The following SNAP47 variants were observed in gnomAD, a reference collection of about 807,000 sequenced individuals.
The protein encoded by SNAP47 is synaptosomal-associated protein 47.
A neutral mutation model predicts 31.4 loss-of-function variants in SNAP47; 20 were observed. That is an observed-to-expected ratio of 0.64 (90% CI 0.45 to 0.93). The LOEUF (loss-of-function observed/expected upper bound fraction) is 0.93, where lower values mean the gene tolerates loss of function less well. SNAP47 is among the 40% of genes least tolerant of loss of function. The pLI is 0.00. For synonymous variants in SNAP47, 194 were observed against 213.4 expected (o/e 0.91, Z 0.79); for missense variants, 492 against 528.5 (o/e 0.93, Z 0.68).
At chr1:227,776,944 CAAT>C in intron 4 of SNAP47, 3 of 985,304 alleles carry the variant, frequency 3.0e-6, no homozygotes, top group Non-Finnish European at 3.6e-6. Context: ...TCTGTGTACA[CAAT>C]AAAATATTCC....
intron 4 of SNAP47, chr1:227,775,863 G>A (rs778612560): frequency 3.3e-4 from 427 of 1,303,840 alleles, no homozygotes; most frequent in Non-Finnish European, 4.0e-4. Context: ...GAGCTTTGTG[G>A]AGACAGAGAC....
rs1034859083 is a variant in SNAP47 at position 227,748,292 on chromosome 1, G to C, written c.497+59G>C. ...ACAGAGTAAGATGCACATGTGTGGA[G>C]GCTCACAGGCACTGTTCCAGGCCAC... is the stretch of plus-strand genomic sequence containing the variant. On this transcript the variant is annotated intron_variant, in intron 2 of 4. Transcript: ENST00000617596. 4 of 1,458,676 alleles carry C rather than the reference G, an allele frequency of 2.7e-6. No individual in the cohort carries two copies. In the African/African-American group the frequency reaches 5.7e-5, roughly 21 times the overall value. 90.4% of individuals were successfully genotyped at this position (1,458,676 alleles called of 1,614,324 possible). A position where few individuals can be genotyped will look rare whatever the true frequency, so the allele number is the denominator to read the frequency against.
chr1:227,767,730 CTGTG>C (rs202134169), intron 4 of SNAP47, among the ~76,000 whole-genome samples: 1,664 of 152,000 alleles, frequency 0.011, 20 homozygotes, highest in African/African-American at 0.034. Context: ...TATGTGTACT[CTGTG>C]TGTGCTGTGC....
In SNAP47 at chr1:227,780,637, C is replaced by G. The variant is rs773193381; in HGVS notation, c.1224C>G (p.Ile408Met). 64 of 1,614,072 alleles carry G rather than the reference C, an allele frequency of 4.0e-5. 1 individual carries two copies. In the South Asian group the frequency reaches 6.4e-4, roughly 16 times the overall value. ...CTGTGGACAGGGCAACCTTGACCAT[C>G]GACAAGCACAACAGGCGGATGAAGA... ...AAAVDRATLT[I>M]DKHNRRMKRL... The change falls in exon 5 of 5, where the codon ATC becomes ATG. Residue 408 changes from isoleucine to methionine, a missense_variant. By Grantham distance (10) the Ile-to-Met change is conservative. Transcript: ENST00000617596.
upstream of SNAP47, chr1:227,732,461 C>G (rs137911301): frequency 2.5e-6 from 4 of 1,613,300 alleles, no homozygotes; most frequent in Non-Finnish European, 3.4e-6. Context: ...GTGGTGAGAA[C>G]GCGCTGGTGT....
chr1:227,780,389 C>A, intron 4 of SNAP47, 138 bp from the exon 5 acceptor site: 1 of 1,264,540 alleles, frequency 7.9e-7, no homozygotes, highest in Non-Finnish European at 1.1e-6. Context: ...GGGCTGCCGG[C>A]TCCCTCCTGC....
intron 4 of SNAP47, chr1:227,775,942 G>A (rs998847599): frequency 4.4e-5 from 57 of 1,294,536 alleles, no homozygotes; most frequent in African/African-American, 6.1e-5. Context: ...TGAGGGAGCC[G>A]GCCAGGCCCA....
At chr1:227,752,959 G>C (rs938887512) in intron 2 of SNAP47, among the ~76,000 whole-genome samples, 1 of 152,218 alleles carries the variant, frequency 6.6e-6, no homozygotes, top group Non-Finnish European at 1.5e-5. Flanking sequence ...GAGCTGTTGA[G>C]TCCCAGAGTG....
At chr1:227,734,246 CTGATCA>C (rs1660896730), upstream of SNAP47, 1 of 568,126 alleles carries the variant, frequency 1.8e-6, no homozygotes, top group Non-Finnish European at 3.1e-6. Context: ...TTAGAAAGTA[CTGATCA>C]TGCCTATAAT....
At chr1:227,749,224 A>G (rs898451674) in intron 2 of SNAP47, among the ~76,000 whole-genome samples, 8 of 151,392 alleles carry the variant, frequency 5.3e-5, no homozygotes, top group African/African-American at 1.9e-4. Context: ...TTTTCCTAAG[A>G]TGGTGTGTGT....
intron 4 of SNAP47, among the ~76,000 whole-genome samples, chr1:227,773,574 C>T (rs1270475538): frequency 6.6e-6 from 1 of 152,254 alleles, no homozygotes; most frequent in Admixed American, 6.5e-5. Flanking sequence ...TCACTCACCA[C>T]ACACCCAGGG....
intron 1 of SNAP47, chr1:227,736,506 T>A (rs1274086527): frequency 1.6e-5 from 1 of 60,840 alleles, no homozygotes; most frequent in Non-Finnish European, 2.9e-5. Context: ...AGAGCAGTTT[T>A]TTTTTTTTTT....
chr1:227,740,728 A>G (rs1488921286), intron 1 of SNAP47, among the ~76,000 whole-genome samples: 1 of 152,172 alleles, frequency 6.6e-6, no homozygotes, highest in African/African-American at 2.4e-5. Context: ...CACAGCTGCC[A>G]GGACATGCTC....
At chr1:227,778,477 G>A (rs918791421) in intron 4 of SNAP47, among the ~76,000 whole-genome samples, 1 of 152,250 alleles carries the variant, frequency 6.6e-6, no homozygotes, top group African/African-American at 2.4e-5. Flanking sequence ...CATAGGGACT[G>A]AGACCAGATC....
chr1:227,779,489 T>C (rs1664342392), intron 4 of SNAP47, among the ~76,000 whole-genome samples: 1 of 152,160 alleles, frequency 6.6e-6, no homozygotes, highest in Non-Finnish European at 1.5e-5. Context: ...CACCACGCCC[T>C]AGACCTTGGA....
chr1:227,744,327 G>A (rs1401210298), intron 1 of SNAP47, among the ~76,000 whole-genome samples: 1 of 152,100 alleles, frequency 6.6e-6, no homozygotes, highest in African/African-American at 2.4e-5. Flanking sequence ...CTACAGAGTG[G>A]ACACCAACAG....
chr1:227,730,212 C>T (rs1365825715), upstream of SNAP47, among the ~76,000 whole-genome samples: 3 of 152,154 alleles, frequency 2.0e-5, no homozygotes, highest in African/African-American at 7.2e-5. Flanking sequence ...GAGGTTGGTT[C>T]CCAGGGAGAC....
Position 227,759,130 on chromosome 1 carries a change from A to G in SNAP47, c.633A>G (p.Ile211Met). The G allele has an allele frequency of 6.2e-7, 1 of 1,614,172 alleles. No individual in the cohort carries two copies. The highest frequency in any genetic ancestry group is 8.5e-7 in the Non-Finnish European group (1 of 1,180,036). Residue 211 changes from isoleucine to methionine, a missense_variant, in exon 3 of 5, where the codon ATA (isoleucine) becomes ATG (methionine). By Grantham distance (10) the Ile-to-Met change is conservative. Transcript: ENST00000617596. ...CCTTTGGGAAAGAAGGGATACTGAT[A>G]AAAATTCCTGCTGTTATTTCCCACA... Reference protein sequence around the residue: ...CEPFGKEGILIKIPAVISHRT... With the variant: ...CEPFGKEGILMKIPAVISHRT...
rs1664441163 is a variant in SNAP47, at chr1:227,781,169, T to TG, written c.*497dup. The TG allele has an allele frequency of 6.5e-6, 1 of 153,866 alleles. No individual in the cohort carries two copies. The highest frequency in any genetic ancestry group is 1.4e-5 in the Non-Finnish European group (1 of 69,204). The allele number at this position is 153,866 out of a possible 1,614,324, so 9.5% of individuals were successfully genotyped here. ...GACTGCATCTTTCAAACAAAAATAT[T>TG]GATTTCTGCTTTTAGGGCCCCGTTT... On this transcript the variant is annotated 3_prime_UTR_variant, in exon 5 of 5. Coordinates refer to ENST00000617596, the MANE Select transcript of SNAP47 (RefSeq NM_053052.4).
Sources: gnomAD v4.1 joint callset for allele counts (sites outside exome capture counted in the v4.1 genomes callset) on GRCh38, gnomAD v4.1.1 for gene constraint, MANE v1.5 for transcripts, NCBI Gene and HGNC (gene_info 2026-07-23, HGNC 2026-07-21) for gene names.